Variants in PDZRN4 observed in about 807,000 individuals in gnomAD.
PDZRN4 encodes the protein PDZ domain containing ring finger 4.
PDZRN4 carries 70 observed loss-of-function variants against 99.0 expected under a neutral mutation model. That is an observed-to-expected ratio of 0.71 (90% CI 0.58 to 0.86). PDZRN4 has a LOEUF of 0.86. Among genes scored for constraint, PDZRN4 ranks in the 40% least tolerant of loss-of-function variants. The probability of loss-of-function intolerance (pLI) is 0.00; values close to 1 mark genes in which losing one functional copy is unlikely to be tolerated. For missense variants in PDZRN4, 1,474 were observed against 1,331.2 expected (o/e 1.11, Z -1.67); for synonymous variants, 551 against 501.6 (o/e 1.10, Z -1.32).
At chr12:41,217,503 G>GA (rs924679814) in intron 3 of PDZRN4, among the ~76,000 whole-genome samples, 9 of 151,606 alleles carry the variant, frequency 5.9e-5, no homozygotes, top group Non-Finnish European at 8.8e-5. Context: ...TTTAACATGA[G>GA]AAAAAAAATA....
intron 3 of PDZRN4, among the ~76,000 whole-genome samples, chr12:41,465,663 T>C (rs1397108879): frequency 6.6e-6 from 1 of 152,186 alleles, no homozygotes; most frequent in East Asian, 1.9e-4. Flanking sequence ...CCCACTGCCA[T>C]AGTCTTGTGT....
chr12:41,488,791 CAG>C (rs1382200508), intron 3 of PDZRN4, among the ~76,000 whole-genome samples: 2 of 152,146 alleles, frequency 1.3e-5, no homozygotes, highest in Non-Finnish European at 2.9e-5. Context: ...ATCCATGAAA[CAG>C]AGGTGAAGCT....
intron 3 of PDZRN4, among the ~76,000 whole-genome samples, chr12:41,238,424 G>C (rs1223190362): frequency 2.0e-5 from 3 of 152,126 alleles, no homozygotes; most frequent in African/African-American, 7.2e-5. Context: ...TCTATCATTA[G>C]AGTGAACAGA....
chr12:41,279,141 T>C (rs985439904), intron 3 of PDZRN4, among the ~76,000 whole-genome samples: 3 of 152,180 alleles, frequency 2.0e-5, no homozygotes, highest in East Asian at 3.9e-4. Flanking sequence ...TTTCAAATGT[T>C]TGGGTTGGTA....
At chr12:41,367,640 T>C (rs1223556926) in intron 3 of PDZRN4, among the ~76,000 whole-genome samples, 1 of 152,104 alleles carries the variant, frequency 6.6e-6, no homozygotes, top group Non-Finnish European at 1.5e-5. Flanking sequence ...TTTCACAAGA[T>C]GAGAGCTTCT....
intron 3 of PDZRN4, among the ~76,000 whole-genome samples, chr12:41,204,865 C>A (rs779456634): frequency 6.6e-6 from 1 of 151,808 alleles, no homozygotes; most frequent in Non-Finnish European, 1.5e-5. Flanking sequence ...TTTTTTCAGA[C>A]AAAATTTTCT....
chr12:41,227,170 AAGAT>A (rs1424997376), intron 3 of PDZRN4, among the ~76,000 whole-genome samples: 1 of 152,172 alleles, frequency 6.6e-6, no homozygotes, highest in African/African-American at 2.4e-5. Context: ...GTGAATTAAA[AAGAT>A]AGATGTGTGA....
intron 3 of PDZRN4, among the ~76,000 whole-genome samples, chr12:41,450,048 T>C (rs1449869596): frequency 6.6e-6 from 1 of 152,140 alleles, no homozygotes; most frequent in Non-Finnish European, 1.5e-5. Context: ...GAGAATTTCT[T>C]CAACTGCAAA....
intron 3 of PDZRN4, among the ~76,000 whole-genome samples, chr12:41,203,057 A>G (rs914291491): frequency 1.3e-5 from 2 of 152,062 alleles, no homozygotes; most frequent in Admixed American, 1.3e-4. Context: ...GGTAGTTTTC[A>G]CAGTGAAATT....
chr12:41,500,743 A>G (rs889396145), intron 3 of PDZRN4, among the ~76,000 whole-genome samples: 13 of 151,924 alleles, frequency 8.6e-5, no homozygotes, highest in African/African-American at 3.1e-4. Context: ...AAGTTTAGGG[A>G]AAAAAAAGCA....
intron 3 of PDZRN4, among the ~76,000 whole-genome samples, chr12:41,276,587 T>A (rs1474273695): frequency 6.6e-6 from 1 of 152,160 alleles, no homozygotes; most frequent in African/African-American, 2.4e-5. Context: ...TTTCCCATTA[T>A]ATAGTCATTG....
chr12:41,449,248 C>A (rs1011678763), intron 3 of PDZRN4, among the ~76,000 whole-genome samples: 6 of 152,082 alleles, frequency 3.9e-5, no homozygotes, highest in Non-Finnish European at 5.9e-5. Context: ...TAGGTCCTTT[C>A]TTTTCTCTTT....
chr12:41,546,146 C>T (rs1938947143), intron 5 of PDZRN4, among the ~76,000 whole-genome samples: 1 of 152,192 alleles, frequency 6.6e-6, no homozygotes, highest in Non-Finnish European at 1.5e-5. Flanking sequence ...AAAGCAGTCA[C>T]TATGGTCGTC....
At chr12:41,535,715 T>G (rs1462803537) in intron 5 of PDZRN4, among the ~76,000 whole-genome samples, 1 of 152,122 alleles carries the variant, frequency 6.6e-6, no homozygotes, top group Non-Finnish European at 1.5e-5. Flanking sequence ...CAGCAGTGGG[T>G]TCATTAAAAA....
chr12:41,353,545 A>C lies in PDZRN4; in HGVS notation c.844-152911A>C, dbSNP rs1208239880. Among the ~76,000 whole-genome samples the C allele has an allele frequency of 3.3e-5, 5 of 152,084 alleles. No individual in the cohort carries two copies. The East Asian group carries it at 7.7e-4, about 24-fold the overall frequency. The stretch of plus-strand genomic sequence containing the variant: ...ACAACCTAGTTGTAATGAGACATGA[A>C]TTTGGAGAGCAAGGGCACCTACATC... On this transcript the variant is annotated intron_variant, in intron 3 of 9. Coordinates refer to ENST00000402685, the MANE Select transcript of PDZRN4 (RefSeq NM_001164595.2).
chr12:41,347,459 A>G (rs758442679), intron 3 of PDZRN4, among the ~76,000 whole-genome samples: 4 of 152,056 alleles, frequency 2.6e-5, no homozygotes, highest in African/African-American at 9.7e-5. Context: ...AGAAATGTCT[A>G]CTCAAATCCT....
intron 3 of PDZRN4, among the ~76,000 whole-genome samples, chr12:41,315,583 TC>T (rs1951633045): frequency 6.6e-6 from 1 of 152,154 alleles, no homozygotes. Context: ...CTTGTGATTT[TC>T]TTTAATAAAT....
intron 6 of PDZRN4, among the ~76,000 whole-genome samples, chr12:41,554,971 G>T (rs1383951324): frequency 2.7e-5 from 4 of 150,460 alleles, no homozygotes; most frequent in African/African-American, 9.8e-5. Flanking sequence ...CACTTTGGGA[G>T]GCCAAGGCGG....
chr12:41,479,846 C>T (rs1937646786), intron 3 of PDZRN4, among the ~76,000 whole-genome samples: 1 of 152,092 alleles, frequency 6.6e-6, no homozygotes, highest in African/African-American at 2.4e-5. Flanking sequence ...TACTTTTTAT[C>T]CTTAAAACCA....
Sources: allele counts gnomAD v4.1 joint callset (sites outside exome capture counted in the v4.1 genomes callset), GRCh38; gene constraint gnomAD v4.1.1; transcripts MANE v1.5; gene names NCBI Gene and HGNC (gene_info 2026-07-23, HGNC 2026-07-21).